Variants in KLHL26 observed in about 807,000 individuals in gnomAD.
KLHL26 encodes the protein kelch-like protein 26.
KLHL26 carries 4 observed loss-of-function variants against 7.1 expected under a neutral mutation model. The observed-to-expected ratio is 0.56, with a 90% CI of 0.28 to 1.28. The LOEUF (loss-of-function observed/expected upper bound fraction) is 1.28, where lower values mean the gene tolerates loss of function less well. KLHL26 is among the 50% of genes most tolerant of loss of function. The probability of loss-of-function intolerance (pLI) is 0.11; values close to 1 mark genes in which losing one functional copy is unlikely to be tolerated. For synonymous variants in KLHL26, 465 were observed against 414.1 expected (o/e 1.12, Z -1.49); for missense variants, 896 against 924.6 (o/e 0.97, Z 0.40).
At chr19:18,655,782 C>T (rs1457112063) in intron 1 of KLHL26, among the ~76,000 whole-genome samples, 4 of 124,794 alleles carry the variant, frequency 3.2e-5, no homozygotes, top group Admixed American at 3.0e-4. Context: ...GGGGCTTCCT[C>T]TTGTTGGCCT....
At chr19:18,664,757 G>C (rs1380822027) in intron 2 of KLHL26, among the ~76,000 whole-genome samples, 1 of 151,574 alleles carries the variant, frequency 6.6e-6, no homozygotes, top group Non-Finnish European at 1.5e-5. Context: ...AATTTTTTTT[G>C]TATTTTTTAG....
At chr19:18,660,953 G>A (rs1052863122) in intron 1 of KLHL26, among the ~76,000 whole-genome samples, 1 of 152,210 alleles carries the variant, frequency 6.6e-6, no homozygotes, top group African/African-American at 2.4e-5. Context: ...CAGTGGATGG[G>A]CCTCACCCTG....
chr19:18,667,639 C>T (rs775342999), intron 2 of KLHL26, 25 bp from the exon 3 acceptor site: 3 of 1,592,870 alleles, frequency 1.9e-6, no homozygotes, highest in South Asian at 2.3e-5. Context: ...CACTGCCAGC[C>T]ACACGTTGTG....
In KLHL26 at chr19:18,664,332, G is replaced by T; in HGVS notation, c.155G>T (p.Gly52Val). ...AGCCACAGCACCAGCCTCCTGCAGG[G>T]CCTGGCCACCCTCCGCGCTCAGGGC... ...APSHSTSLLQ[G>V]LATLRAQGQL... Residue 52 changes from glycine to valine, a missense_variant, in exon 2 of 3, where the codon GGC becomes GTC. Gly to Val is a moderately radical substitution (Grantham distance 109). Coordinates refer to ENST00000300976, the MANE Select transcript of KLHL26 (RefSeq NM_018316.3). 1 of 1,609,658 alleles carries T rather than the reference G, an allele frequency of 6.2e-7. No homozygotes were observed. Among genetic ancestry groups the T allele is most frequent in the Non-Finnish European group, 8.5e-7 (1 of 1,179,784 alleles).
rs921428698 is a variant in KLHL26 at position 18,670,344 on chromosome 19, C to G, written c.*1099C>G. 1 of 149,548 alleles carries G rather than the reference C, an allele frequency of 6.7e-6. No individual in the cohort carries two copies. Among genetic ancestry groups the G allele is most frequent in the Non-Finnish European group, 1.5e-5 (1 of 66,738 alleles). The allele number at this position is 149,548 out of a possible 1,614,324, so 9.3% of individuals were successfully genotyped here. A position where few individuals can be genotyped will look rare whatever the true frequency, so the allele number is the denominator to read the frequency against. ...CTGTCTCATAGATGGGATTTGTACT[C>G]TTGGGGCAACTTAAAGTGTCTCTCT... On this transcript the variant is annotated 3_prime_UTR_variant, in exon 3 of 3. Transcript: ENST00000300976.
chr19:18,651,901 G>A (rs998426701), intron 1 of KLHL26, among the ~76,000 whole-genome samples: 17 of 152,274 alleles, frequency 1.1e-4, no homozygotes, highest in Non-Finnish European at 1.8e-4. Flanking sequence ...CCAAGTCGGG[G>A]GATGGGCTGT....
At chr19:18,663,555 G>T (rs1265584931) in intron 1 of KLHL26, among the ~76,000 whole-genome samples, 1 of 152,162 alleles carries the variant, frequency 6.6e-6, no homozygotes, top group East Asian at 1.9e-4. Flanking sequence ...GAATGGGAGA[G>T]CAAATTCCAG....
intron 2 of KLHL26, 69 bp downstream of exon 2, chr19:18,664,512 C>A: frequency 7.6e-7 from 1 of 1,312,494 alleles, no homozygotes; most frequent in Non-Finnish European, 1.0e-6. Context: ...CAGATGGCAC[C>A]CACTTTCTAA....
intron 2 of KLHL26, among the ~76,000 whole-genome samples, chr19:18,665,945 C>T (rs2052443811): frequency 1.3e-5 from 2 of 152,336 alleles, no homozygotes; most frequent in African/African-American, 2.4e-5. Context: ...CCGCAGCAGC[C>T]GAGCCAACTG....
At chr19:18,663,006 AAC>A (rs2052407009) in intron 1 of KLHL26, among the ~76,000 whole-genome samples, 1 of 152,066 alleles carries the variant, frequency 6.6e-6, no homozygotes, top group Admixed American at 6.5e-5. Context: ...CTCCCAGGCA[AAC>A]ACCAGGTCTG....
At chr19:18,658,529 C>G (rs1385401781) in intron 1 of KLHL26, among the ~76,000 whole-genome samples, 1 of 151,032 alleles carries the variant, frequency 6.6e-6, no homozygotes, top group Non-Finnish European at 1.5e-5. Flanking sequence ...CTCTCCCTCT[C>G]CCTCTCTCCC....
intron 1 of KLHL26, among the ~76,000 whole-genome samples, chr19:18,639,640 C>A (rs535913012): frequency 6.7e-6 from 1 of 148,548 alleles, no homozygotes; most frequent in African/African-American, 2.5e-5. Flanking sequence ...GAACTGCTGA[C>A]CTCAAGTGAT....
chr19:18,653,013 G>A (rs182399323), intron 1 of KLHL26, among the ~76,000 whole-genome samples: 29 of 152,246 alleles, frequency 1.9e-4, no homozygotes, highest in African/African-American at 6.7e-4. Flanking sequence ...ACCTTCTTTG[G>A]CCAGTGCACA....
chr19:18,658,242 A>G (rs2052354138), intron 1 of KLHL26, among the ~76,000 whole-genome samples: 1 of 152,044 alleles, frequency 6.6e-6, no homozygotes, highest in South Asian at 2.1e-4. Flanking sequence ...CTGCTTGGCA[A>G]GGTCAGAGTG....
intron 2 of KLHL26, among the ~76,000 whole-genome samples, chr19:18,665,635 C>T (rs979380712): frequency 5.3e-5 from 8 of 152,212 alleles, no homozygotes; most frequent in African/African-American, 7.2e-5. Flanking sequence ...GAGGCCATGG[C>T]GGGCACTGTC....
rs115965259 is a variant in KLHL26, at chr19:18,667,838, C to T, written c.441C>T (p.Pro147=). 1.3e-4 allele frequency: 206 copies of T among 1,613,198 alleles called. 1 individual carries two copies. In the African/African-American group the frequency reaches 2.2e-3, roughly 17 times the overall value. Residue 147 remains proline, a synonymous_variant, in exon 3 of 3, where the codon CCC becomes CCT. Transcript: ENST00000300976. ...LGAAVFLQML[P]VVELCEEFLK... is the part of the protein sequence containing the mutation. ...CGGCCGTGTTCTTGCAGATGCTGCC[C>T]GTGGTGGAGCTGTGCGAGGAGTTCC... is the stretch of plus-strand genomic sequence containing the variant.
intron 1 of KLHL26, among the ~76,000 whole-genome samples, chr19:18,653,110 G>T (rs1437659215): frequency 7.9e-5 from 12 of 152,068 alleles, no homozygotes; most frequent in Non-Finnish European, 1.6e-4. Flanking sequence ...GGCTCAGAGG[G>T]CTGAGACTGC....
At position 18,669,370 on chromosome 19, in the gene KLHL26, C is replaced by G. The variant is rs1387376439; in HGVS notation, c.*125C>G. The G allele has an allele frequency of 5.7e-6, 4 of 697,026 alleles. No homozygotes were observed. Among genetic ancestry groups the G allele is most frequent in the Non-Finnish European group, 9.7e-6 (4 of 414,282 alleles). The allele number at this position is 697,026 out of a possible 1,614,324, so 43.2% of individuals were successfully genotyped here. On this transcript the variant is annotated 3_prime_UTR_variant, in exon 3 of 3. Coordinates refer to ENST00000300976, the MANE Select transcript of KLHL26 (RefSeq NM_018316.3). ...CGGGCTGCCCTTGAGGGGCCTGCTG[C>G]GTTGATAAGCCCCCCTCCCAGGGGT...
chr19:18,644,042 AGGT>A (rs1976760480), intron 1 of KLHL26, among the ~76,000 whole-genome samples: 1 of 152,202 alleles, frequency 6.6e-6, no homozygotes, highest in Admixed American at 6.5e-5. Flanking sequence ...TCCCCGCAAA[AGGT>A]GACCCCATCT....
Sources: gnomAD v4.1 joint callset for allele counts (sites outside exome capture counted in the v4.1 genomes callset) on GRCh38, gnomAD v4.1.1 for gene constraint, MANE v1.5 for transcripts, NCBI Gene and HGNC (gene_info 2026-07-23, HGNC 2026-07-21) for gene names.